CCSER1: variants seen among roughly 807,000 people sequenced by gnomAD.
CCSER1 encodes serine-rich coiled-coil domain-containing protein 1.
A neutral mutation model predicts 82.0 loss-of-function variants in CCSER1; 41 were observed. The observed-to-expected ratio is 0.50, with a 90% CI of 0.39 to 0.65. CCSER1 has a LOEUF of 0.65. CCSER1 is among the 30% of genes least tolerant of loss of function. CCSER1 has a pLI of 0.00. For synonymous variants in CCSER1, 414 were observed against 383.9 expected (o/e 1.08, Z -0.92); for missense variants, 1,119 against 1,064.2 (o/e 1.05, Z -0.72).
intron 10 of CCSER1, among the ~76,000 whole-genome samples, chr4:91,395,195 A>G (rs1034008413): frequency 6.6e-5 from 10 of 152,074 alleles, no homozygotes; most frequent in African/African-American, 2.2e-4. Context: ...GGCACTCTCC[A>G]TAAGACTGAG....
At chr4:90,879,730 G>A (rs1721009752) in intron 8 of CCSER1, among the ~76,000 whole-genome samples, 1 of 152,128 alleles carries the variant, frequency 6.6e-6, no homozygotes, top group Non-Finnish European at 1.5e-5. Context: ...AACTCTTATT[G>A]GAGAACTGGT....
intron 10 of CCSER1, among the ~76,000 whole-genome samples, chr4:91,559,836 T>C (rs944860894): frequency 6.6e-6 from 1 of 151,492 alleles, no homozygotes; most frequent in African/African-American, 2.4e-5. Context: ...ATCTTAACCA[T>C]TAGTGATCTA....
At chr4:91,590,256 T>C (rs982419196) in intron 10 of CCSER1, among the ~76,000 whole-genome samples, 3 of 152,032 alleles carry the variant, frequency 2.0e-5, no homozygotes, top group Non-Finnish European at 4.4e-5. Flanking sequence ...CTCTGGACAA[T>C]GTGCACCATT....
chr4:90,881,047 TAA>T lies in CCSER1; in HGVS notation c.2095-42310_2095-42309del, dbSNP rs11355989. ...CCATCTTGGCCACCTCCCTAAAAAT[TAA>T]AAAAAAAAAAAATGCTTAAGTGTTT... On this transcript the variant is annotated intron_variant, in intron 8 of 10. Coordinates refer to ENST00000509176, the MANE Select transcript of CCSER1 (RefSeq NM_001145065.2). Among the ~76,000 whole-genome samples the T allele has an allele frequency of 2.6e-3, 379 of 145,064 alleles. 1 individual carries two copies. Among genetic ancestry groups the T allele is most frequent in the African/African-American group, 5.2e-3 (208 of 39,864 alleles).
chr4:91,512,450 C>T (rs1355963266), intron 10 of CCSER1, among the ~76,000 whole-genome samples: 1 of 152,112 alleles, frequency 6.6e-6, no homozygotes, highest in Non-Finnish European at 1.5e-5. Flanking sequence ...GGCCTTTGGC[C>T]ACAGACTGAA....
At chr4:91,023,344 G>C (rs1305920505) in intron 9 of CCSER1, among the ~76,000 whole-genome samples, 1 of 152,138 alleles carries the variant, frequency 6.6e-6, no homozygotes, top group Non-Finnish European at 1.5e-5. Context: ...AGCCCGCATT[G>C]CCAAGTCAAT....
At chr4:91,097,622 A>G (rs1724636979) in intron 10 of CCSER1, among the ~76,000 whole-genome samples, 1 of 152,224 alleles carries the variant, frequency 6.6e-6, no homozygotes. Flanking sequence ...TTCTAGAAGT[A>G]TTTAGAAATA....
intron 1 of CCSER1, among the ~76,000 whole-genome samples, chr4:90,292,426 A>G (rs995336966): frequency 1.3e-5 from 2 of 151,952 alleles, no homozygotes; most frequent in African/African-American, 4.8e-5. Context: ...AATCTTAATA[A>G]TAGAGAAACA....
intron 9 of CCSER1, among the ~76,000 whole-genome samples, chr4:91,075,396 C>T (rs747484616): frequency 6.6e-6 from 1 of 151,922 alleles, no homozygotes; most frequent in Non-Finnish European, 1.5e-5. Context: ...TTTTTCCAAC[C>T]ACATCCCCCA....
intron 10 of CCSER1, among the ~76,000 whole-genome samples, chr4:91,419,065 G>C (rs1753547784): frequency 6.6e-6 from 1 of 151,700 alleles, no homozygotes; most frequent in Non-Finnish European, 1.5e-5. Context: ...CAACAAATTA[G>C]GTATAAAACA....
chr4:90,253,998 T>C (rs1346685063), intron 1 of CCSER1, among the ~76,000 whole-genome samples: 1 of 152,182 alleles, frequency 6.6e-6, no homozygotes. Flanking sequence ...TGCAGAGGTA[T>C]TTTTTGAAAT....
intron 10 of CCSER1, among the ~76,000 whole-genome samples, chr4:91,248,209 G>A (rs1473294738): frequency 1.3e-5 from 2 of 151,948 alleles, no homozygotes; most frequent in Non-Finnish European, 2.9e-5. Flanking sequence ...ATATATAAAG[G>A]AATAAACAAA....
In CCSER1 at chr4:91,280,418, C is replaced by T. The variant is rs921904774; in HGVS notation, c.2217+194424C>T. The stretch of plus-strand genomic sequence containing the variant: ...TGCAGTGGACTGGATGGATTAGTTC[C>T]AATGCTCTCAAGTGGCACATACAGG... On this transcript the variant is annotated intron_variant, in intron 10 of 10. Transcript: ENST00000509176. 3.3e-5 allele frequency among the ~76,000 whole-genome samples: 5 copies of T among 152,242 alleles called. No individual in the cohort carries two copies. The South Asian group carries it at 6.2e-4, about 19-fold the overall frequency.
intron 1 of CCSER1, among the ~76,000 whole-genome samples, chr4:90,164,328 A>G (rs1456986048): frequency 6.6e-6 from 1 of 151,050 alleles, no homozygotes; most frequent in African/African-American, 2.4e-5. Context: ...TTTAGATGTT[A>G]CATTTATATT....
chr4:90,413,981 AATATATATAT>A lies in CCSER1; in HGVS notation c.1603+13873_1603+13882del, dbSNP rs70963066. Reference sequence around the variant, plus strand: ...AAAAAAAAAAAAAAAAAAAAAAAAAAATATATATATATATATATATATATATATATCTTCT... The same window carrying A: ...AAAAAAAAAAAAAAAAAAAAAAAAAAATATATATATATATATATATCTTCT... On this transcript the variant is annotated intron_variant, in intron 4 of 10. Coordinates refer to ENST00000509176, the MANE Select transcript of CCSER1 (RefSeq NM_001145065.2). Among the ~76,000 whole-genome samples the A allele has an allele frequency of 5.9e-3, 310 of 52,436 alleles. 5 individuals carry two copies. The highest frequency in any genetic ancestry group is 0.029 in the African/African-American group (282 of 9,728). 34.4% of individuals were successfully genotyped at this position (52,436 alleles called of 152,430 possible).
intron 10 of CCSER1, among the ~76,000 whole-genome samples, chr4:91,418,303 T>TAAAAAA (rs142070235): frequency 8.8e-6 from 1 of 113,638 alleles, no homozygotes; most frequent in East Asian, 2.7e-4. Flanking sequence ...ATTTTTTAAT[T>TAAAAAA]AAAAAAAAAA....
intron 1 of CCSER1, among the ~76,000 whole-genome samples, chr4:90,204,061 G>T (rs1205015614): frequency 6.6e-6 from 1 of 152,044 alleles, no homozygotes; most frequent in Non-Finnish European, 1.5e-5. Context: ...TTGTAAATTT[G>T]TTTAAGTTCC....
At chr4:90,275,838 C>A (rs1727435607) in intron 1 of CCSER1, among the ~76,000 whole-genome samples, 2 of 151,984 alleles carry the variant, frequency 1.3e-5, no homozygotes, top group Admixed American at 1.3e-4. Context: ...CAAGTGATGT[C>A]AAAATGATCT....
intron 10 of CCSER1, among the ~76,000 whole-genome samples, chr4:91,336,852 A>G (rs1043723537): frequency 6.6e-6 from 1 of 152,112 alleles, no homozygotes; most frequent in Non-Finnish European, 1.5e-5. Context: ...AGGGAAAATA[A>G]CTGTTAATTT....
Sources: gnomAD v4.1 joint callset for allele counts (sites outside exome capture counted in the v4.1 genomes callset) on GRCh38, gnomAD v4.1.1 for gene constraint, MANE v1.5 for transcripts, NCBI Gene and HGNC (gene_info 2026-07-23, HGNC 2026-07-21) for gene names.